Variants in CACNB4 observed in about 807,000 individuals in gnomAD.
The protein encoded by CACNB4 is voltage-dependent L-type calcium channel subunit beta-4.
A neutral mutation model predicts 71.2 loss-of-function variants in CACNB4; 32 were observed. The ratio of observed to expected loss-of-function variants is 0.45; its 90% confidence interval spans 0.34 to 0.60. The LOEUF is 0.60. CACNB4 is among the 20% of genes least tolerant of loss of function. The pLI is 0.01. For missense variants in CACNB4, 464 were observed against 647.9 expected (o/e 0.72, Z 3.08); for synonymous variants, 231 against 236.9 (o/e 0.97, Z 0.23).
intron 2 of CACNB4, among the ~76,000 whole-genome samples, chr2:151,945,126 G>C (rs545160523): frequency 6.6e-6 from 1 of 152,074 alleles, no homozygotes; most frequent in Non-Finnish European, 1.5e-5. Flanking sequence ...TGAGACACTC[G>C]GTGTCTCAAT....
At chr2:151,973,585 GA>G (rs2099873183) in intron 2 of CACNB4, 2 of 1,241,750 alleles carry the variant, frequency 1.6e-6, no homozygotes, top group Admixed American at 3.8e-5. Flanking sequence ...CGTTGCCTAA[GA>G]AATAAGAAGC....
chr2:151,927,611 G>T (rs2099860574), intron 2 of CACNB4, among the ~76,000 whole-genome samples: 1 of 152,218 alleles, frequency 6.6e-6, no homozygotes, highest in Admixed American at 6.5e-5. Flanking sequence ...CTGGTGAGGG[G>T]TAACACAACT....
At chr2:151,898,550 A>G (rs1300789120) in intron 2 of CACNB4, among the ~76,000 whole-genome samples, 1 of 152,226 alleles carries the variant, frequency 6.6e-6, no homozygotes, top group Non-Finnish European at 1.5e-5. Flanking sequence ...CTCTCTGGCC[A>G]AAGGATGCCC....
chr2:152,034,015 T>TG (rs1048039157), intron 2 of CACNB4, among the ~76,000 whole-genome samples: 14 of 152,050 alleles, frequency 9.2e-5, no homozygotes, highest in South Asian at 2.1e-4. Flanking sequence ...TCCTAACACC[T>TG]GGGGGGGAAA....
chr2:151,836,474 C>T lies in CACNB4; in HGVS notation c.*2645G>A, dbSNP rs2099834918. 6.6e-6 allele frequency: 1 copy of T among 151,582 alleles called. No individual in the cohort carries two copies. Among genetic ancestry groups the T allele is most frequent in the Non-Finnish European group, 1.5e-5 (1 of 67,732 alleles). The allele number at this position is 151,582 out of a possible 1,614,324, so 9.4% of individuals were successfully genotyped here. A position where few individuals can be genotyped will look rare whatever the true frequency, so the allele number is the denominator to read the frequency against. The stretch of plus-strand genomic sequence containing the variant: ...TTTAAAAAAAATAAGATGTATATCC[C>T]CTTATTTGAGGAAGATAAACTTATT... On this transcript the variant is annotated 3_prime_UTR_variant, in exon 14 of 14. Transcript: ENST00000539935.
intron 2 of CACNB4, among the ~76,000 whole-genome samples, chr2:152,031,589 C>T (rs949806229): frequency 1.3e-5 from 2 of 152,108 alleles, no homozygotes; most frequent in Non-Finnish European, 2.9e-5. Context: ...GGCCTGGGAC[C>T]AGGCAGAGGA....
chr2:151,921,538 C>T (rs1578806179), intron 2 of CACNB4, among the ~76,000 whole-genome samples: 1 of 152,188 alleles, frequency 6.6e-6, no homozygotes, highest in East Asian at 1.9e-4. Flanking sequence ...ATCAAGGTGT[C>T]AGCAGGACTG....
At chr2:152,007,076 A>G (rs1487465427) in intron 2 of CACNB4, among the ~76,000 whole-genome samples, 1 of 152,184 alleles carries the variant, frequency 6.6e-6, no homozygotes, top group Non-Finnish European at 1.5e-5. Flanking sequence ...TTGTGCCGGC[A>G]AGTCACACCT....
intron 2 of CACNB4, among the ~76,000 whole-genome samples, chr2:152,012,404 G>C (rs1477437740): frequency 2.6e-5 from 4 of 152,126 alleles, no homozygotes; most frequent in Admixed American, 2.6e-4. Flanking sequence ...AGGAGTTCCA[G>C]ACCAGCCTGA....
At position 152,024,735 on chromosome 2, in the gene CACNB4, A is replaced by C. The variant is rs574038530; in HGVS notation, c.147+73595T>G. Among the ~76,000 whole-genome samples, 5 of 152,326 alleles carry C rather than the reference A, an allele frequency of 3.3e-5. No individual in the cohort carries two copies. The South Asian group carries it at 1.0e-3, about 32-fold the overall frequency. On this transcript the variant is annotated intron_variant, in intron 2 of 13. Coordinates refer to ENST00000539935, the MANE Select transcript of CACNB4 (RefSeq NM_000726.5). ...TAGGGACTTGCCATTGTTTGCAACA[A>C]TATGGTGGGCATCACACATTTAAAT...
At chr2:152,046,704 G>A (rs1272105332) in intron 2 of CACNB4, among the ~76,000 whole-genome samples, 1 of 152,186 alleles carries the variant, frequency 6.6e-6, no homozygotes, top group Non-Finnish European at 1.5e-5. Flanking sequence ...TGCCTGTTGA[G>A]CTGTAGCCAG....
At chr2:151,925,965 C>A (rs570369672) in intron 2 of CACNB4, among the ~76,000 whole-genome samples, 1 of 152,284 alleles carries the variant, frequency 6.6e-6, no homozygotes, top group African/African-American at 2.4e-5. Flanking sequence ...GAACCCAGAT[C>A]TGGACATGAT....
intron 2 of CACNB4, among the ~76,000 whole-genome samples, chr2:152,021,671 A>G (rs1166736764): frequency 6.6e-6 from 1 of 152,256 alleles, no homozygotes. Context: ...TAAATCAATG[A>G]TGCTTTATCA....
intron 2 of CACNB4, among the ~76,000 whole-genome samples, chr2:151,983,809 T>A (rs1275933881): frequency 1.3e-5 from 2 of 151,868 alleles, no homozygotes; most frequent in Non-Finnish European, 2.9e-5. Flanking sequence ...AATAGCAAGA[T>A]CCAAATAAAT....
chr2:152,094,110 G>A (rs1322279242), intron 2 of CACNB4, among the ~76,000 whole-genome samples: 1 of 152,208 alleles, frequency 6.6e-6, no homozygotes, highest in African/African-American at 2.4e-5. Flanking sequence ...AGAAATCTAA[G>A]TACATGTTAA....
chr2:151,997,498 C>A (rs1682122948), intron 2 of CACNB4, among the ~76,000 whole-genome samples: 1 of 151,658 alleles, frequency 6.6e-6, no homozygotes, highest in African/African-American at 2.4e-5. Flanking sequence ...CGCGCCACTG[C>A]ACTCCAGCCT....
At chr2:151,963,095 A>G (rs1410112457) in intron 2 of CACNB4, among the ~76,000 whole-genome samples, 2 of 151,874 alleles carry the variant, frequency 1.3e-5, no homozygotes, top group Non-Finnish European at 2.9e-5. Context: ...GGCAGATCAC[A>G]AGGTCAGGAG....
At chr2:151,966,972 C>G (rs993726670) in intron 2 of CACNB4, 1 of 151,800 alleles carries the variant, frequency 6.6e-6, no homozygotes, top group African/African-American at 2.4e-5. Flanking sequence ...AAGAAATATG[C>G]CCATGGCCAC....
intron 2 of CACNB4, among the ~76,000 whole-genome samples, chr2:152,058,093 A>T (rs1335560455): frequency 6.6e-6 from 1 of 152,180 alleles, no homozygotes; most frequent in Non-Finnish European, 1.5e-5. Flanking sequence ...TCCTGCCACC[A>T]TGTAAAAAAG....
Sources: allele counts gnomAD v4.1 joint callset (sites outside exome capture counted in the v4.1 genomes callset), GRCh38; gene constraint gnomAD v4.1.1; transcripts MANE v1.5; gene names NCBI Gene and HGNC (gene_info 2026-07-23, HGNC 2026-07-21).